KCNIP4: variants seen among roughly 807,000 people sequenced by gnomAD.
KCNIP4 encodes the protein Kv channel-interacting protein 4.
Under a neutral mutation model 34.0 loss-of-function variants are expected in KCNIP4, and 12 were observed. The observed-to-expected ratio is 0.35, with a 90% confidence interval of 0.23 to 0.57. The LOEUF (loss-of-function observed/expected upper bound fraction) is 0.57, where lower values mean the gene tolerates loss of function less well. KCNIP4 is among the 20% of genes least tolerant of loss of function. KCNIP4 has a pLI of 0.83. For synonymous variants in KCNIP4, 124 were observed against 102.2 expected, an observed-to-expected ratio of 1.21 and a Z score of -1.29; for missense variants, 238 against 311.7, an observed-to-expected ratio of 0.76 and a Z score of 1.78.
At chr4:21,464,250 C>T (rs1248233821) in intron 1 of KCNIP4, among the ~76,000 whole-genome samples, 4 of 151,398 alleles carry the variant, frequency 2.6e-5, no homozygotes, top group Admixed American at 6.6e-5. Context: ...GATTGTTTTG[C>T]ATTTAGTTTG....
rs1457882563 is a variant in KCNIP4, at chr4:21,437,310, C to T, written c.61+511261G>A. On this transcript the variant is annotated intron_variant, in intron 1 of 8. Transcript: ENST00000382152. ...GCACAGCTGTTTTCAACAACAATAACAACAAAAAATTTCAAAGCAAGGCAT... is the reference window on the plus strand; with the variant it reads ...GCACAGCTGTTTTCAACAACAATAATAACAAAAAATTTCAAAGCAAGGCAT... Among the ~76,000 whole-genome samples the T allele has an allele frequency of 2.6e-5, 4 of 152,188 alleles. No homozygotes were observed. The South Asian group carries it at 8.3e-4, about 32-fold the overall frequency.
chr4:20,940,593 T>C (rs547128414), intron 1 of KCNIP4, among the ~76,000 whole-genome samples: 20 of 152,306 alleles, frequency 1.3e-4, no homozygotes, highest in Admixed American at 5.9e-4. Context: ...ACATTTCTTG[T>C]GTAGTAATTT....
intron 1 of KCNIP4, among the ~76,000 whole-genome samples, chr4:21,856,163 G>A (rs756502933): frequency 6.6e-6 from 1 of 152,120 alleles, no homozygotes; most frequent in Non-Finnish European, 1.5e-5. Flanking sequence ...TCATGGTGCT[G>A]ATATATCACC....
chr4:21,453,405 C>T (rs1728674756), intron 1 of KCNIP4, among the ~76,000 whole-genome samples: 1 of 152,018 alleles, frequency 6.6e-6, no homozygotes, highest in South Asian at 2.1e-4. Context: ...TTATTTACCT[C>T]ATATTACAGG....
intron 1 of KCNIP4, among the ~76,000 whole-genome samples, chr4:21,485,433 C>G (rs754910572): frequency 6.6e-6 from 1 of 152,138 alleles, no homozygotes; most frequent in Non-Finnish European, 1.5e-5. Flanking sequence ...CATGCCACAG[C>G]ATACATGTGC....
chr4:21,674,155 G>A (rs768341809), intron 1 of KCNIP4, among the ~76,000 whole-genome samples: 1 of 152,140 alleles, frequency 6.6e-6, no homozygotes, highest in Non-Finnish European at 1.5e-5. Context: ...ATAGCTCTTT[G>A]CTATATGTAT....
intron 1 of KCNIP4, among the ~76,000 whole-genome samples, chr4:21,920,727 A>G (rs1477781512): frequency 6.6e-6 from 1 of 152,198 alleles, no homozygotes; most frequent in Admixed American, 6.5e-5. Flanking sequence ...GGATTTTGGT[A>G]TCCAATGGAG....
chr4:21,098,976 T>A (rs1481096804), intron 1 of KCNIP4, among the ~76,000 whole-genome samples: 1 of 152,126 alleles, frequency 6.6e-6, no homozygotes, highest in Non-Finnish European at 1.5e-5. Context: ...CAACAGACAC[T>A]GACGAGGCTG....
chr4:20,921,254 T>C lies in KCNIP4; in HGVS notation c.62-38545A>G, dbSNP rs537660772. ...CGCCAATGTTTAAAAGCTTGTAATATAGGGCTGATGAGGATGCAGTGAGAG... is the reference window on the plus strand; with the variant it reads ...CGCCAATGTTTAAAAGCTTGTAATACAGGGCTGATGAGGATGCAGTGAGAG... On this transcript the variant is annotated intron_variant, in intron 1 of 8. Coordinates refer to ENST00000382152, the MANE Select transcript of KCNIP4 (RefSeq NM_025221.6). Among the ~76,000 whole-genome samples the C allele has an allele frequency of 2.0e-5, 3 of 152,234 alleles. 1 individual carries two copies. Among genetic ancestry groups the C allele is most frequent in the East Asian group, 1.9e-4 (1 of 5,172 alleles).
chr4:20,873,571 C>A (rs1279200243), intron 2 of KCNIP4, among the ~76,000 whole-genome samples: 1 of 152,152 alleles, frequency 6.6e-6, no homozygotes, highest in Non-Finnish European at 1.5e-5. Context: ...AGTTTTGACA[C>A]CTGTCTGTCT....
intron 3 of KCNIP4, among the ~76,000 whole-genome samples, chr4:20,848,990 A>G (rs998441205): frequency 3.9e-5 from 6 of 152,130 alleles, no homozygotes; most frequent in African/African-American, 1.4e-4. Context: ...TTCTGCTGCC[A>G]GTGGTCAATA....
intron 1 of KCNIP4, among the ~76,000 whole-genome samples, chr4:21,541,631 C>T (rs935456978): frequency 6.6e-6 from 1 of 152,028 alleles, no homozygotes; most frequent in South Asian, 2.1e-4. Flanking sequence ...GTCTTATAAG[C>T]TTTCTATTTA....
At chr4:21,404,997 C>A (rs1251391109) in intron 1 of KCNIP4, among the ~76,000 whole-genome samples, 2 of 152,210 alleles carry the variant, frequency 1.3e-5, no homozygotes, top group East Asian at 3.9e-4. Flanking sequence ...TAGCAAGAAC[C>A]TTGATGTCAG....
At chr4:21,764,222 A>T (rs564167814) in intron 1 of KCNIP4, among the ~76,000 whole-genome samples, 79 of 152,288 alleles carry the variant, frequency 5.2e-4, no homozygotes, top group African/African-American at 1.7e-3. Flanking sequence ...CAGAGGGTAC[A>T]GACTGGCAAT....
intron 1 of KCNIP4, among the ~76,000 whole-genome samples, chr4:21,910,340 A>G (rs1028375586): frequency 6.6e-6 from 1 of 152,166 alleles, no homozygotes; most frequent in African/African-American, 2.4e-5. Context: ...AGAAAAACAC[A>G]CAAGCAAAAC....
chr4:21,798,137 C>T (rs1300923301), intron 1 of KCNIP4, among the ~76,000 whole-genome samples: 12 of 151,404 alleles, frequency 7.9e-5, no homozygotes, highest in African/African-American at 1.7e-4. Flanking sequence ...AAAAAAAATA[C>T]GTACACACAT....
intron 1 of KCNIP4, among the ~76,000 whole-genome samples, chr4:21,329,201 C>G (rs1251836066): frequency 6.6e-6 from 1 of 152,156 alleles, no homozygotes; most frequent in Admixed American, 6.6e-5. Flanking sequence ...TGTATGCTGA[C>G]TGATAAATAA....
rs570340572 is a variant in KCNIP4 at position 21,756,073 on chromosome 4, C to T, written c.61+192498G>A. Among the ~76,000 whole-genome samples the T allele has an allele frequency of 3.3e-5, 5 of 152,180 alleles. 1 individual carries two copies. In the South Asian group the frequency reaches 8.3e-4, roughly 25 times the overall value. On this transcript the variant is annotated intron_variant, in intron 1 of 8. Transcript: ENST00000382152. Reference sequence around the variant, plus strand: ...TTGAAAACTGAAAAGTTTTAGTCTCCCTAAAGAAATATCAACTGATACTTT... The same window carrying T: ...TTGAAAACTGAAAAGTTTTAGTCTCTCTAAAGAAATATCAACTGATACTTT...
chr4:21,939,641 C>T (rs1344763697), intron 1 of KCNIP4, among the ~76,000 whole-genome samples: 1 of 152,144 alleles, frequency 6.6e-6, no homozygotes, highest in Admixed American at 6.5e-5. Flanking sequence ...TCTCAGATAT[C>T]ATGACTTCAG....
Sources: gnomAD v4.1 joint callset for allele counts (sites outside exome capture counted in the v4.1 genomes callset) on GRCh38, gnomAD v4.1.1 for gene constraint, MANE v1.5 for transcripts, NCBI Gene and HGNC (gene_info 2026-07-23, HGNC 2026-07-21) for gene names.